Variants in NTN1 observed in about 807,000 individuals in gnomAD.
The protein encoded by NTN1 is netrin-1.
Under a neutral mutation model 54.2 loss-of-function variants are expected in NTN1, and 11 were observed. The observed-to-expected ratio is 0.20, with a 90% CI of 0.13 to 0.34. The LOEUF is 0.34. Ranked by LOEUF, NTN1 falls within the 10% of genes least tolerant of loss-of-function variation. The pLI is 1.00. For synonymous variants in NTN1, 371 were observed against 382.0 expected, an observed-to-expected ratio of 0.97 and a Z score of 0.33; for missense variants, 740 against 893.1, an observed-to-expected ratio of 0.83 and a Z score of 2.18.
intron 2 of NTN1, among the ~76,000 whole-genome samples, chr17:9,088,994 C>T (rs75328541): frequency 7.2e-5 from 11 of 152,274 alleles, no homozygotes; most frequent in South Asian, 2.1e-4. Flanking sequence ...CCTGGGTGTC[C>T]GCCATCGGAG....
chr17:9,053,824 G>A (rs2091968729), intron 2 of NTN1, among the ~76,000 whole-genome samples: 1 of 152,238 alleles, frequency 6.6e-6, no homozygotes, highest in South Asian at 2.1e-4. Context: ...TGAAGGGCCA[G>A]CAAATGGCTC....
At chr17:9,016,990 T>A (rs1031317673), upstream of NTN1, among the ~76,000 whole-genome samples, 2 of 152,138 alleles carry the variant, frequency 1.3e-5, no homozygotes, top group Admixed American at 1.3e-4. Context: ...TGCTCCCAGC[T>A]CCTCCCCCAT....
intron 3 of NTN1, chr17:9,171,885 T>TTC (rs2092387925): frequency 6.9e-6 from 1 of 144,244 alleles, no homozygotes; most frequent in African/African-American, 2.6e-5. Flanking sequence ...CAGGCTCACT[T>TTC]TTTTTTTTTT....
At chr17:9,178,135 T>C (rs962354374) in intron 3 of NTN1, among the ~76,000 whole-genome samples, 2 of 152,208 alleles carry the variant, frequency 1.3e-5, no homozygotes, top group Non-Finnish European at 2.9e-5. Flanking sequence ...AGGCGGAGGT[T>C]GCAGTGAGCC....
At chr17:9,010,492 G>A in the NTN1 span, among the ~76,000 whole-genome samples, 3 of 152,200 alleles carry the variant, frequency 2.0e-5, no homozygotes, top group Admixed American at 2.0e-4. Context: ...AAACCCAAAG[G>A]AAGACTTCAT....
At chr17:9,093,458 A>C (rs2092120250) in intron 2 of NTN1, among the ~76,000 whole-genome samples, 1 of 152,142 alleles carries the variant, frequency 6.6e-6, no homozygotes, top group Admixed American at 6.5e-5. Flanking sequence ...GACCTACCAG[A>C]CTCAAGTGAT....
chr17:9,140,371 A>G (rs1024157507), intron 2 of NTN1, among the ~76,000 whole-genome samples: 2 of 152,240 alleles, frequency 1.3e-5, no homozygotes, highest in African/African-American at 4.8e-5. Context: ...TCTGAAAACA[A>G]CAGAAGGAAA....
chr17:9,089,241 C>T (rs1217679353), intron 2 of NTN1, among the ~76,000 whole-genome samples: 5 of 152,060 alleles, frequency 3.3e-5, no homozygotes, highest in Admixed American at 2.6e-4. Flanking sequence ...GGTGAAACCC[C>T]GTCTCTACTA....
At chr17:9,044,378 G>T (rs1191081871) in intron 2 of NTN1, among the ~76,000 whole-genome samples, 5 of 151,892 alleles carry the variant, frequency 3.3e-5, no homozygotes, top group Non-Finnish European at 7.4e-5. Flanking sequence ...GGGACTACAG[G>T]TGTGTGCCAC....
At chr17:9,113,384 G>A (rs916269283) in intron 2 of NTN1, among the ~76,000 whole-genome samples, 3 of 152,162 alleles carry the variant, frequency 2.0e-5, no homozygotes, top group Middle Eastern at 3.4e-3. Flanking sequence ...ACCAGTTTGC[G>A]AAAATGTTGT....
chr17:9,179,758 A>T, intron 3 of NTN1, 49 bp from the exon 4 acceptor site: 1 of 1,587,168 alleles, frequency 6.3e-7, no homozygotes, highest in Non-Finnish European at 8.6e-7. Context: ...GCGGGGATGC[A>T]CTGGCCGCTT....
intron 2 of NTN1, among the ~76,000 whole-genome samples, chr17:9,100,361 G>A (rs573823230): frequency 1.2e-4 from 18 of 152,196 alleles, no homozygotes; most frequent in African/African-American, 4.3e-4. Context: ...GCAGTGGCAC[G>A]ATCTCGGCTC....
At chr17:9,182,399 G>A (rs1488160289) in intron 4 of NTN1, among the ~76,000 whole-genome samples, 1 of 152,258 alleles carries the variant, frequency 6.6e-6, no homozygotes, top group East Asian at 1.9e-4. Context: ...CGCTTGAGAT[G>A]TGAGGCTGTA....
At chr17:9,051,035 G>C (rs1251603053) in intron 2 of NTN1, among the ~76,000 whole-genome samples, 1 of 152,178 alleles carries the variant, frequency 6.6e-6, no homozygotes, top group East Asian at 1.9e-4. Flanking sequence ...GAAAAGGTGT[G>C]TCCTGGGAGA....
At chr17:9,044,516 A>G (rs1212758571) in intron 2 of NTN1, among the ~76,000 whole-genome samples, 3 of 152,026 alleles carry the variant, frequency 2.0e-5, no homozygotes, top group African/African-American at 4.8e-5. Context: ...CATTATAGAC[A>G]TGAGCCACCA....
chr17:9,041,293 A>G lies in NTN1; in HGVS notation c.1018+17902A>G, dbSNP rs2091920720. On this transcript the variant is annotated intron_variant, in intron 2 of 6. Transcript: ENST00000173229. The stretch of plus-strand genomic sequence containing the variant: ...TACAACCATAACTGAAACTAATCCT[A>G]TAACATTTTTGTCATCCCCAAAAGG... 2.6e-5 allele frequency among the ~76,000 whole-genome samples: 4 copies of G among 152,164 alleles called. No homozygotes were observed. The South Asian group carries it at 6.2e-4, about 24-fold the overall frequency.
chr17:9,150,807 G>A (rs2092325306), intron 2 of NTN1, among the ~76,000 whole-genome samples: 1 of 152,140 alleles, frequency 6.6e-6, no homozygotes, highest in Non-Finnish European at 1.5e-5. Flanking sequence ...AAAGTCAGTG[G>A]AAAAAATGAC....
chr17:9,121,648 A>T (rs1331178808), intron 2 of NTN1, among the ~76,000 whole-genome samples: 1 of 152,156 alleles, frequency 6.6e-6, no homozygotes, highest in African/African-American at 2.4e-5. Context: ...ACTCCATAGG[A>T]ATGTGGCCTG....
intron 5 of NTN1, among the ~76,000 whole-genome samples, chr17:9,201,923 C>T (rs552981110): frequency 1.1e-4 from 16 of 151,258 alleles, no homozygotes; most frequent in Admixed American, 8.6e-4. Flanking sequence ...CGTGGTGGCT[C>T]ACGCTTGTAA....
Sources: gnomAD v4.1 joint callset for allele counts (sites outside exome capture counted in the v4.1 genomes callset) on GRCh38, gnomAD v4.1.1 for gene constraint, MANE v1.5 for transcripts, NCBI Gene and HGNC (gene_info 2026-07-23, HGNC 2026-07-21) for gene names.